TMEM108: variants seen among roughly 807,000 people sequenced by gnomAD.
TMEM108 encodes the protein transmembrane protein 108.
In TMEM108, 12 loss-of-function variants were observed where a neutral mutation model predicts 35.1. The observed-to-expected ratio is 0.34, with a 90% CI of 0.22 to 0.55. TMEM108 has a LOEUF of 0.55. TMEM108 is among the 20% of genes least tolerant of loss of function. TMEM108 has a pLI of 0.89. For synonymous variants in TMEM108, 287 were observed against 308.6 expected (o/e 0.93, Z 0.73); for missense variants, 680 against 753.3 (o/e 0.90, Z 1.14).
At chr3:133,203,691 G>A (rs1490047566) in intron 2 of TMEM108, among the ~76,000 whole-genome samples, 1 of 152,158 alleles carries the variant, frequency 6.6e-6, no homozygotes, top group Non-Finnish European at 1.5e-5. Flanking sequence ...GCTTGATTAG[G>A]TTTGCCAGTA....
intron 2 of TMEM108, among the ~76,000 whole-genome samples, chr3:133,223,590 A>G (rs1946023930): frequency 2.0e-5 from 3 of 152,264 alleles, no homozygotes; most frequent in Admixed American, 6.5e-5. Flanking sequence ...AATATTTTCT[A>G]TTATATGGTT....
rs1213467651 is a variant in TMEM108, at chr3:133,380,333, G to T, written c.622G>T (p.Gly208Trp). The T allele has an allele frequency of 5.0e-6, 8 of 1,614,102 alleles. No individual in the cohort carries two copies. Among genetic ancestry groups the T allele is most frequent in the Middle Eastern group, 1.7e-4 (1 of 6,060 alleles). ...RGRNPSSTPLGQKRPLGKIFQ... is the reference protein window; with the variant it reads ...RGRNPSSTPLWQKRPLGKIFQ... ...ACGAAATCCAAGCTCCACACCTCTG[G>T]GGCAGAAGCGGCCCCTGGGGAAAAT... The change falls in exon 4 of 6, where the codon GGG becomes TGG. Residue 208 changes from glycine to tryptophan, a missense_variant. Around this residue, in one of 3 missense-constraint regions of TMEM108, gnomAD observed 526 missense variants for 532.1 expected, o/e 0.99. Coordinates refer to ENST00000321871, the MANE Select transcript of TMEM108 (RefSeq NM_023943.4). The surrounding 1 kb of genome is among the most constrained non-coding windows in gnomAD (Gnocchi z 5.3).
chr3:133,324,855 G>A (rs1220901007), intron 3 of TMEM108, among the ~76,000 whole-genome samples: 8 of 152,026 alleles, frequency 5.3e-5, no homozygotes, highest in African/African-American at 1.4e-4. Context: ...GGGCACCTGC[G>A]ATCCCAGCTA....
In TMEM108 at chr3:133,379,823, C is replaced by G; in HGVS notation, c.112C>G (p.Leu38Val). The change falls in exon 4 of 6, where the codon CTT becomes GTT. Residue 38 changes from leucine to valine, a missense_variant. Leu to Val is a conservative substitution (Grantham distance 32). Transcript: ENST00000321871. ...AIQEPSPRES[L>V]QVLPSGTPPG... ...CCAGGAACCATCTCCCAGGGAATCT[C>G]TTCAGGTCCTCCCTTCAGGCACTCC... 1 of 1,614,030 alleles carries G rather than the reference C, an allele frequency of 6.2e-7. No individual in the cohort carries two copies. The highest frequency in any genetic ancestry group is 1.1e-5 in the South Asian group (1 of 91,080).
chr3:133,278,801 GC>G (rs1946871836), intron 3 of TMEM108, among the ~76,000 whole-genome samples: 1 of 152,170 alleles, frequency 6.6e-6, no homozygotes, highest in African/African-American at 2.4e-5. Flanking sequence ...GTAATGTACA[GC>G]CTAGCTACCC....
intron 3 of TMEM108, among the ~76,000 whole-genome samples, chr3:133,312,955 A>C (rs188592394): frequency 4.6e-5 from 7 of 152,192 alleles, no homozygotes; most frequent in African/African-American, 1.7e-4. Context: ...TCTTTACTAT[A>C]TCTAAAATTG....
chr3:133,249,025 C>G (rs1331990630), intron 3 of TMEM108, among the ~76,000 whole-genome samples: 2 of 152,152 alleles, frequency 1.3e-5, no homozygotes, highest in African/African-American at 4.8e-5. Flanking sequence ...GCTGGTGGGC[C>G]TCCTCCTCAT....
intron 3 of TMEM108, among the ~76,000 whole-genome samples, chr3:133,313,224 G>A (rs1476698762): frequency 4.7e-5 from 7 of 149,452 alleles, no homozygotes; most frequent in African/African-American, 1.7e-4. Context: ...TTGAGATGGA[G>A]TCTCTCTCTG....
At chr3:133,260,177 GAA>G (rs533876597) in intron 3 of TMEM108, among the ~76,000 whole-genome samples, 13 of 151,932 alleles carry the variant, frequency 8.6e-5, no homozygotes, top group African/African-American at 2.9e-4. Context: ...TTTTCACTAA[GAA>G]TATTGGATAC....
intron 3 of TMEM108, among the ~76,000 whole-genome samples, chr3:133,313,337 A>G (rs370899294): frequency 6.5e-4 from 99 of 152,068 alleles, no homozygotes; most frequent in African/African-American, 2.3e-3. Context: ...AGCTGGGACT[A>G]CAGTTGCCCA....
chr3:133,380,385 C>T lies in TMEM108; in HGVS notation c.674C>T (p.Thr225Ile). 1 of 1,613,810 alleles carries T rather than the reference C, an allele frequency of 6.2e-7. No homozygotes were observed. Among genetic ancestry groups the T allele is most frequent in the African/African-American group, 1.3e-5 (1 of 75,016 alleles). ...KIFQIYKGNFTGSVEPEPSTL... is the reference protein window; with the variant it reads ...KIFQIYKGNFIGSVEPEPSTL... ...TTTCAGATCTACAAGGGCAACTTCA[C>T]AGGGTCTGTGGAACCGGAGCCCTCT... The change falls in exon 4 of 6, where the codon ACA (threonine) becomes ATA (isoleucine). Residue 225 changes from threonine to isoleucine, a missense_variant. Transcript: ENST00000321871. This position sits in a 1 kb window ranked among gnomAD's most constrained non-coding sequence, Gnocchi z 5.3.
intron 2 of TMEM108, among the ~76,000 whole-genome samples, chr3:133,080,755 C>T (rs74712762): frequency 0.013 from 1,946 of 152,250 alleles, 22 homozygotes; most frequent in Non-Finnish European, 0.021. Context: ...AAAGCCAGTA[C>T]AGTTCAATGT....
chr3:133,201,322 A>G (rs984802402), intron 2 of TMEM108, among the ~76,000 whole-genome samples: 5 of 152,048 alleles, frequency 3.3e-5, no homozygotes, highest in African/African-American at 1.2e-4. Context: ...TTATACTTTA[A>G]GTTCTGGGAT....
At chr3:133,316,173 G>A (rs1377944868) in intron 3 of TMEM108, among the ~76,000 whole-genome samples, 2 of 152,168 alleles carry the variant, frequency 1.3e-5, no homozygotes, top group African/African-American at 2.4e-5. Context: ...GGGGAAGAGG[G>A]AGATAAATAA....
intron 2 of TMEM108, among the ~76,000 whole-genome samples, chr3:133,104,615 T>C (rs1409937978): frequency 6.6e-6 from 1 of 152,204 alleles, no homozygotes; most frequent in Non-Finnish European, 1.5e-5. Context: ...TTGGCCCTGC[T>C]GTGTGCACAG....
At chr3:133,316,298 T>C (rs1361082432) in intron 3 of TMEM108, among the ~76,000 whole-genome samples, 1 of 152,248 alleles carries the variant, frequency 6.6e-6, no homozygotes, top group Non-Finnish European at 1.5e-5. Context: ...CCCTTCTTTG[T>C]ATAGATATCC....
At chr3:133,386,710 A>G in intron 4 of TMEM108, 1 of 1,374,092 alleles carries the variant, frequency 7.3e-7, no homozygotes, top group Non-Finnish European at 9.4e-7. Flanking sequence ...AACAGTTAAC[A>G]TCTTGTGTTT....
chr3:133,137,133 C>T (rs1944575691), intron 2 of TMEM108, among the ~76,000 whole-genome samples: 1 of 152,098 alleles, frequency 6.6e-6, no homozygotes, highest in Admixed American at 6.6e-5. Context: ...ATCAGTAAGG[C>T]AGAAAGTGAG....
intron 3 of TMEM108, among the ~76,000 whole-genome samples, chr3:133,377,326 C>G (rs1249237776): frequency 6.6e-6 from 1 of 152,156 alleles, no homozygotes; most frequent in Non-Finnish European, 1.5e-5. Context: ...ACCACTAGCC[C>G]TAGGAATAGA....
Sources: allele counts gnomAD v4.1 joint callset (sites outside exome capture counted in the v4.1 genomes callset), GRCh38; gene constraint gnomAD v4.1.1; regional missense constraint gnomAD v4.1.1; non-coding constraint Gnocchi (gnomAD v3.1); transcripts MANE v1.5; gene names NCBI Gene and HGNC (gene_info 2026-07-23, HGNC 2026-07-21).